Variants in AGL observed in about 807,000 individuals in gnomAD.
The protein encoded by AGL is amylo-alpha-1,6-glucosidase and 4-alpha-glucanotransferase.
In AGL, 128 loss-of-function variants were observed where a neutral mutation model predicts 199.3. The observed-to-expected ratio is 0.64, with a 90% CI of 0.56 to 0.74. AGL has a LOEUF of 0.74. Among genes scored for constraint, AGL ranks in the 30% least tolerant of loss-of-function variants. The pLI is 0.00. For synonymous variants in AGL, 584 were observed against 594.7 expected, an observed-to-expected ratio of 0.98 and a Z score of 0.26; for missense variants, 1,809 against 1,820.8, an observed-to-expected ratio of 0.99 and a Z score of 0.12.
rs1553192979 is a variant in AGL at position 99,913,746 on chromosome 1, A to AT, written c.4161+10dup. The AT allele has an allele frequency of 6.2e-7, 1 of 1,612,112 alleles. No individual in the cohort carries two copies. Among genetic ancestry groups the AT allele is most frequent in the South Asian group, 1.1e-5 (1 of 91,046 alleles). On this transcript the variant is annotated intron_variant, in intron 30 of 33. Coordinates refer to ENST00000361915, the MANE Select transcript of AGL (RefSeq NM_000642.3). ...ACCATAGCAATGGTTGTGGTAGGTGATTCGTTTGTAAAAACATTTCAAAAA... is the reference window on the plus strand; with the variant it reads ...ACCATAGCAATGGTTGTGGTAGGTGATTTCGTTTGTAAAAACATTTCAAAAA...
At chr1:99,909,268 G>A (rs1246682635) in intron 27 of AGL, among the ~76,000 whole-genome samples, 2 of 152,262 alleles carry the variant, frequency 1.3e-5, no homozygotes, top group East Asian at 1.9e-4. Context: ...TGAGCTGCCT[G>A]CTGCCACCCC....
chr1:99,897,236 TGA>T (rs1048338804), intron 25 of AGL, among the ~76,000 whole-genome samples: 34 of 152,350 alleles, frequency 2.2e-4, no homozygotes, highest in African/African-American at 8.2e-4. Context: ...CACCCTCACC[TGA>T]GAGCTTGTTA....
At chr1:99,912,565 T>C in intron 29 of AGL, 48 bp downstream of exon 29, 1 of 1,292,770 alleles carries the variant, frequency 7.7e-7, no homozygotes, top group Non-Finnish European at 1.1e-6. Context: ...GTACTATGTA[T>C]ATTCTCAACC....
In AGL at chr1:99,921,680, C is replaced by T. The variant is rs746493197; in HGVS notation, c.*29C>T. 235 of 1,501,028 alleles carry T rather than the reference C, an allele frequency of 1.6e-4. No individual in the cohort carries two copies. Among genetic ancestry groups the T allele is most frequent in the Non-Finnish European group, 1.4e-5 (15 of 1,078,806 alleles). 93.0% of individuals were successfully genotyped at this position (1,501,028 alleles called of 1,614,324 possible). On this transcript the variant is annotated 3_prime_UTR_variant, in exon 34 of 34. Transcript: ENST00000361915. ...ATTACAGATATTAAGTATGCAATTACTTGTATTATAGGATGCAAGGTCATC... is the reference window on the plus strand; with the variant it reads ...ATTACAGATATTAAGTATGCAATTATTTGTATTATAGGATGCAAGGTCATC...
intron 33 of AGL, among the ~76,000 whole-genome samples, chr1:99,919,571 A>G (rs1655374044): frequency 6.6e-6 from 1 of 152,196 alleles, no homozygotes; most frequent in Non-Finnish European, 1.5e-5. Flanking sequence ...GGGAATATAT[A>G]ATAATACATA....
chr1:99,917,712 A>T (rs144132349), intron 33 of AGL, among the ~76,000 whole-genome samples: 2 of 152,154 alleles, frequency 1.3e-5, no homozygotes, highest in African/African-American at 4.8e-5. Context: ...TTGTTTATTT[A>T]AAATGGCTGC....
At chr1:99,889,667 C>CT (rs1652730709) in intron 21 of AGL, among the ~76,000 whole-genome samples, 1 of 152,124 alleles carries the variant, frequency 6.6e-6, no homozygotes. Flanking sequence ...CATTTTCACT[C>CT]TGAGTTGTTA....
chr1:99,881,129 T>C lies in AGL; in HGVS notation c.1953T>C (p.Cys651=). The change falls in exon 15 of 34, where the codon TGT becomes TGC. Residue 651 remains cysteine (C), a synonymous_variant. Coordinates refer to ENST00000361915, the MANE Select transcript of AGL (RefSeq NM_000642.3). ...GTACTACAATTGTTTCTATGGCATG[T>C]TGTGCTAGTGGAAGTACAAGAGGCT... ...LPSTTIVSMA[C]CASGSTRGYD... The C allele has an allele frequency of 6.2e-7, 1 of 1,614,072 alleles. No individual in the cohort carries two copies. Among genetic ancestry groups the C allele is most frequent in the Non-Finnish European group, 8.5e-7 (1 of 1,179,966 alleles).
Position 99,907,693 on chromosome 1 carries a change from G to GTTTTTTTTTTTTTTTTTTTTTTTTTTT in AGL, c.3701-3011_3701-3010insTTTTTTTTTTTTTTTTTTTTTTTTTTT, listed in dbSNP as rs71075465. ...TTTTGTTCGTTTGTTTTTGTTTTTTGTTTTTTTTGCTAGTAGCCATCCTAA... is the reference window on the plus strand; with the variant it reads ...TTTTGTTCGTTTGTTTTTGTTTTTTGTTTTTTTTTTTTTTTTTTTTTTTTTTTTTTTTTTTGCTAGTAGCCATCCTAA... On this transcript the variant is annotated intron_variant, in intron 27 of 33. Transcript: ENST00000361915. Among the ~76,000 whole-genome samples, 332 of 118,642 alleles carry GTTTTTTTTTTTTTTTTTTTTTTTTTTT rather than the reference G, an allele frequency of 2.8e-3. 11 individuals are homozygous for GTTTTTTTTTTTTTTTTTTTTTTTTTTT. Among genetic ancestry groups the GTTTTTTTTTTTTTTTTTTTTTTTTTTT allele is most frequent in the Middle Eastern group, 4.2e-3 (1 of 238 alleles). The allele number at this position is 118,642 out of a possible 152,430, so 77.8% of individuals were successfully genotyped here. A position where few individuals can be genotyped will look rare whatever the true frequency, so the allele number is the denominator to read the frequency against.
At chr1:99,903,886 G>A (rs1322631353) in intron 27 of AGL, among the ~76,000 whole-genome samples, 1 of 152,190 alleles carries the variant, frequency 6.6e-6, no homozygotes, top group Non-Finnish European at 1.5e-5. Flanking sequence ...CTGATGGCCA[G>A]TGATGATGAG....
chr1:99,918,713 CT>C (rs946858275), intron 33 of AGL, among the ~76,000 whole-genome samples: 4 of 152,056 alleles, frequency 2.6e-5, no homozygotes, highest in African/African-American at 9.7e-5. Context: ...TGTTTTTGAG[CT>C]TTGTTTTGGA....
At chr1:99,907,440 C>T (rs1654373656) in intron 27 of AGL, among the ~76,000 whole-genome samples, 1 of 152,010 alleles carries the variant, frequency 6.6e-6, no homozygotes, top group Non-Finnish European at 1.5e-5. Flanking sequence ...AGTTTGAGTC[C>T]CTGCTTTCAA....
Position 99,900,881 on chromosome 1 carries a change from T to A in AGL, c.3588+20T>A. ...ACACTGGTAAAGATATTTCTTAAAA[T>A]GTTTTTTTGTTTTTTTTTTTTTTTC... On this transcript the variant is annotated intron_variant, in intron 26 of 33. Transcript: ENST00000361915. 6 of 1,486,402 alleles carry A rather than the reference T, an allele frequency of 4.0e-6. No individual in the cohort carries two copies. Among genetic ancestry groups the A allele is most frequent in the Non-Finnish European group, 5.5e-6 (6 of 1,095,874 alleles). The allele number at this position is 1,486,402 out of a possible 1,614,324, so 92.1% of individuals were successfully genotyped here. A position where few individuals can be genotyped will look rare whatever the true frequency, so the allele number is the denominator to read the frequency against.
intron 4 of AGL, among the ~76,000 whole-genome samples, chr1:99,864,175 G>A (rs959986693): frequency 6.6e-6 from 1 of 152,148 alleles, no homozygotes; most frequent in Admixed American, 6.5e-5. Flanking sequence ...TTGTATATGA[G>A]GACACATATC....
At chr1:99,859,088 A>G (rs1298716755) in intron 2 of AGL, among the ~76,000 whole-genome samples, 7 of 147,388 alleles carry the variant, frequency 4.7e-5, no homozygotes, top group Admixed American at 4.7e-4. Flanking sequence ...TAAACTTAAC[A>G]GGGGACAGGT....
chr1:99,875,788 T>C (rs958472041), intron 10 of AGL, among the ~76,000 whole-genome samples: 6 of 152,216 alleles, frequency 3.9e-5, no homozygotes, highest in African/African-American at 1.4e-4. Context: ...GTTGGGCAAC[T>C]AGAGTGCAGT....
At chr1:99,855,495 G>A (rs1649346794) in intron 2 of AGL, among the ~76,000 whole-genome samples, 1 of 151,968 alleles carries the variant, frequency 6.6e-6, no homozygotes, top group African/African-American at 2.4e-5. Flanking sequence ...ATCTCATTTA[G>A]TGGTAGAATA....
At chr1:99,875,050 C>A (rs1436673477) in intron 8 of AGL, 104 bp from the exon 9 acceptor site, 2 of 1,123,334 alleles carry the variant, frequency 1.8e-6, no homozygotes, top group Non-Finnish European at 2.6e-6. Flanking sequence ...ATTGAAATCC[C>A]GATGAATATA....
chr1:99,919,061 G>T (rs996715561), intron 33 of AGL, among the ~76,000 whole-genome samples: 4 of 152,100 alleles, frequency 2.6e-5, no homozygotes, highest in African/African-American at 9.7e-5. Context: ...TATCTTCAGA[G>T]TTCTCTCTTT....
Sources: allele counts gnomAD v4.1 joint callset (sites outside exome capture counted in the v4.1 genomes callset), GRCh38; gene constraint gnomAD v4.1.1; transcripts MANE v1.5; gene names NCBI Gene and HGNC (gene_info 2026-07-23, HGNC 2026-07-21).